The following CNTNAP2 variants were observed in gnomAD, a reference collection of about 807,000 sequenced individuals.
CNTNAP2 encodes the protein contactin associated protein 2, also known as contactin-associated protein-like 2.
Under a neutral mutation model 155.2 loss-of-function variants are expected in CNTNAP2, and 98 were observed. The ratio of observed to expected loss-of-function variants is 0.63; its 90% CI spans 0.54 to 0.75. The LOEUF (loss-of-function observed/expected upper bound fraction) is 0.75. Among genes scored for constraint, CNTNAP2 ranks in the 30% least tolerant of loss-of-function variants. The probability of loss-of-function intolerance (pLI) is 0.00; values close to 1 mark genes in which losing one functional copy is unlikely to be tolerated. For missense variants in CNTNAP2, 1,727 were observed against 1,688.1 expected (o/e 1.02, Z -0.40); for synonymous variants, 651 against 631.2 (o/e 1.03, Z -0.47).
chr7:146,524,580 T>C (rs996373385), intron 1 of CNTNAP2, among the ~76,000 whole-genome samples: 1 of 152,156 alleles, frequency 6.6e-6, no homozygotes, highest in Non-Finnish European at 1.5e-5. Context: ...TTTCTCAACA[T>C]AAAATACTAT....
chr7:147,166,280 G>C (rs991872124), intron 8 of CNTNAP2, among the ~76,000 whole-genome samples: 6 of 152,164 alleles, frequency 3.9e-5, no homozygotes, highest in South Asian at 2.1e-4. Flanking sequence ...TCTAAGTGAA[G>C]TATACAAGGA....
chr7:146,582,952 T>A (rs1486821669), intron 1 of CNTNAP2, among the ~76,000 whole-genome samples: 3 of 149,076 alleles, frequency 2.0e-5, no homozygotes, highest in African/African-American at 4.9e-5. Flanking sequence ...ATCTATAATA[T>A]TTAATATATA....
rs1280154794 is a variant in CNTNAP2 at position 147,583,531 on chromosome 7, T to TATATATATATAA, written c.1897+21275_1897+21276insTATATATATAAA. 1.1e-3 allele frequency among the ~76,000 whole-genome samples: 158 copies of TATATATATATAA among 140,576 alleles called. 2 individuals are homozygous for TATATATATATAA. The highest frequency in any genetic ancestry group is 4.0e-3 in the African/African-American group (150 of 37,848). The allele number at this position is 140,576 out of a possible 152,430, so 92.2% of individuals were successfully genotyped here. A position where few individuals can be genotyped will look rare whatever the true frequency, so the allele number is the denominator to read the frequency against. ...ATATATATATATATATATATATATA[T>TATATATATATAA]AATGTCAAACAGATTAAAATTAGTT... On this transcript the variant is annotated intron_variant, in intron 12 of 23. Transcript: ENST00000361727.
intron 14 of CNTNAP2, among the ~76,000 whole-genome samples, chr7:147,911,496 G>A: frequency 6.6e-6 from 1 of 152,178 alleles, no homozygotes; most frequent in Non-Finnish European, 1.5e-5. Context: ...AAATGAGGAA[G>A]AGATTTAATC....
chr7:147,562,064 A>G (rs1418889613), intron 11 of CNTNAP2, 74 bp from the exon 12 acceptor site: 47 of 1,597,750 alleles, frequency 2.9e-5, no homozygotes, highest in Non-Finnish European at 4.0e-5. Flanking sequence ...GCATTGCAAT[A>G]TGCCACTGGG....
intron 1 of CNTNAP2, among the ~76,000 whole-genome samples, chr7:146,647,901 T>G (rs1799842477): frequency 6.6e-6 from 1 of 152,204 alleles, no homozygotes; most frequent in Admixed American, 6.5e-5. Flanking sequence ...CATGCCACAG[T>G]TACATTAGCA....
chr7:147,069,786 A>C (rs1799854331), intron 4 of CNTNAP2, among the ~76,000 whole-genome samples: 1 of 152,210 alleles, frequency 6.6e-6, no homozygotes, highest in Non-Finnish European at 1.5e-5. Context: ...TCTGTGATAG[A>C]GGAAATATTC....
chr7:147,999,351 C>T (rs1173083229), intron 15 of CNTNAP2, among the ~76,000 whole-genome samples: 2 of 152,188 alleles, frequency 1.3e-5, no homozygotes, highest in African/African-American at 4.8e-5. Context: ...GCTAGGATTA[C>T]AGGCATGAGC....
intron 20 of CNTNAP2, among the ~76,000 whole-genome samples, chr7:148,256,681 A>G (rs890324397): frequency 6.6e-6 from 1 of 152,124 alleles, no homozygotes; most frequent in Non-Finnish European, 1.5e-5. Context: ...TCCCATGCGC[A>G]GGGGATTTTC....
chr7:147,987,925 C>T (rs1361470048), intron 15 of CNTNAP2, among the ~76,000 whole-genome samples: 1 of 152,086 alleles, frequency 6.6e-6, no homozygotes, highest in African/African-American at 2.4e-5. Context: ...GAACTCTTGA[C>T]CTTAGATGAT....
At chr7:147,330,461 A>G (rs1340451248) in intron 9 of CNTNAP2, among the ~76,000 whole-genome samples, 3 of 152,164 alleles carry the variant, frequency 2.0e-5, no homozygotes, top group Non-Finnish European at 2.9e-5. Context: ...GGTTTGTGAG[A>G]ACCCAAGATT....
chr7:147,055,475 T>C (rs1799543804), intron 4 of CNTNAP2, among the ~76,000 whole-genome samples: 1 of 152,188 alleles, frequency 6.6e-6, no homozygotes, highest in Non-Finnish European at 1.5e-5. Flanking sequence ...TTTAATTACC[T>C]CCTCTTTATC....
chr7:146,614,945 G>A (rs1035305404), intron 1 of CNTNAP2, among the ~76,000 whole-genome samples: 1 of 151,918 alleles, frequency 6.6e-6, no homozygotes, highest in Non-Finnish European at 1.5e-5. Flanking sequence ...TTCACAGACT[G>A]CAAGAATACA....
chr7:148,066,907 G>A (rs191106041), intron 15 of CNTNAP2, among the ~76,000 whole-genome samples: 26 of 152,060 alleles, frequency 1.7e-4, no homozygotes, highest in Middle Eastern at 6.8e-3. Flanking sequence ...ACTTTCCAGC[G>A]TATTTTTCAT....
intron 9 of CNTNAP2, among the ~76,000 whole-genome samples, chr7:147,346,909 T>C (rs905290732): frequency 2.6e-5 from 4 of 152,168 alleles, no homozygotes; most frequent in Admixed American, 1.3e-4. Flanking sequence ...TTACTCTTAG[T>C]CCTGTTTTTA....
At chr7:146,406,613 G>T (rs1245378766) in intron 1 of CNTNAP2, among the ~76,000 whole-genome samples, 1 of 152,212 alleles carries the variant, frequency 6.6e-6, no homozygotes, top group Non-Finnish European at 1.5e-5. Flanking sequence ...CAAAGACTCA[G>T]TCAGAAGAGG....
At position 148,008,584 on chromosome 7, in the gene CNTNAP2, A is replaced by G. The variant is rs535862818; in HGVS notation, c.2383+30595A>G. 4.6e-5 allele frequency among the ~76,000 whole-genome samples: 7 copies of G among 152,246 alleles called. No homozygotes were observed. The East Asian group carries it at 5.8e-4, about 13-fold the overall frequency. On this transcript the variant is annotated intron_variant, in intron 15 of 23. Coordinates refer to ENST00000361727, the MANE Select transcript of CNTNAP2 (RefSeq NM_014141.6). Reference sequence around the variant, plus strand: ...TCTTATCCTTTCCACTTTCAATGTCATGAAAAATCATTGAGAGTTCCTTTA... The same window carrying G: ...TCTTATCCTTTCCACTTTCAATGTCGTGAAAAATCATTGAGAGTTCCTTTA...
chr7:147,053,539 A>G (rs1470238130), intron 4 of CNTNAP2, among the ~76,000 whole-genome samples: 1 of 152,130 alleles, frequency 6.6e-6, no homozygotes, highest in Non-Finnish European at 1.5e-5. Flanking sequence ...TCTAAATTTA[A>G]ATTTACTCTC....
chr7:147,610,631 A>G (rs1801165766), intron 12 of CNTNAP2, among the ~76,000 whole-genome samples: 1 of 152,140 alleles, frequency 6.6e-6, no homozygotes, highest in South Asian at 2.1e-4. Context: ...ATAGAGGCCA[A>G]ACAGAGATGA....
Sources: allele counts gnomAD v4.1 joint callset (sites outside exome capture counted in the v4.1 genomes callset), GRCh38; gene constraint gnomAD v4.1.1; transcripts MANE v1.5; gene names NCBI Gene and HGNC (gene_info 2026-07-23, HGNC 2026-07-21).